Variants in MGAT1 observed in about 807,000 individuals in gnomAD.
MGAT1 encodes N-glycosyl-oligosaccharide-glycoprotein N-acetylglucosaminyltransferase I.
In MGAT1, 14 loss-of-function variants were observed where a neutral mutation model predicts 31.7. The observed-to-expected ratio is 0.44, with a 90% CI of 0.29 to 0.69. MGAT1 has a LOEUF of 0.69. Ranked by LOEUF, MGAT1 falls within the 30% of genes least tolerant of loss-of-function variation. The pLI is 0.12. For missense variants in MGAT1, 557 were observed against 626.0 expected, an observed-to-expected ratio of 0.89 and a Z score of 1.18; for synonymous variants, 338 against 276.0, an observed-to-expected ratio of 1.22 and a Z score of -2.23.
chr5:180,812,848 A>G (rs888125532), intron 1 of MGAT1, among the ~76,000 whole-genome samples: 4 of 152,248 alleles, frequency 2.6e-5, no homozygotes, highest in African/African-American at 4.8e-5. Flanking sequence ...AAAAATTATT[A>G]AAAAATATGC....
rs1340169051 is a variant in MGAT1 at position 180,810,171 on chromosome 5, G to T, written c.-545-1105C>A. 1.8e-4 allele frequency: 14 copies of T among 78,486 alleles called. No individual in the cohort carries two copies. The Admixed American group carries it at 1.8e-3, about 10-fold the overall frequency. 4.9% of individuals were successfully genotyped at this position (78,486 alleles called of 1,614,324 possible). A position where few individuals can be genotyped will look rare whatever the true frequency, so the allele number is the denominator to read the frequency against. On this transcript the variant is annotated intron_variant, in intron 1 of 2. Transcript: ENST00000333055. ...CCCCCAGCGGCCCGGCCCTCCCCTC[G>T]CACTCCTTCCCCCCTCCCACCATCC...
chr5:180,799,292 T>C (rs1361228772), intron 1 of MGAT1, among the ~76,000 whole-genome samples: 1 of 152,124 alleles, frequency 6.6e-6, no homozygotes, highest in African/African-American at 2.4e-5. Flanking sequence ...CTCAGCAGGC[T>C]GCTTTTTCCC....
intron 1 of MGAT1, among the ~76,000 whole-genome samples, chr5:180,794,546 A>G (rs1255171533): frequency 1.3e-5 from 2 of 152,148 alleles, no homozygotes; most frequent in Admixed American, 1.3e-4. Context: ...AAAAAATCTA[A>G]TATGTAATAA....
chr5:180,788,231 G>C lies in MGAT1; in HGVS notation c.*3403C>G, dbSNP rs1767711683. On this transcript the variant is annotated 3_prime_UTR_variant, in exon 2 of 2. Coordinates refer to ENST00000307826, the MANE Select transcript of MGAT1 (RefSeq NM_002406.4). ...AGCAAGCCTTGATGGGTGAATACCA[G>C]GAGACCCCTGAAGGTGCTCCTTGCT... 1 of 152,378 alleles carries C rather than the reference G, an allele frequency of 6.6e-6. No individual in the cohort carries two copies. Among genetic ancestry groups the C allele is most frequent in the Non-Finnish European group, 1.5e-5 (1 of 68,134 alleles). 9.4% of individuals were successfully genotyped at this position (152,378 alleles called of 1,614,324 possible). A position where few individuals can be genotyped will look rare whatever the true frequency, so the allele number is the denominator to read the frequency against.
intron 1 of MGAT1, among the ~76,000 whole-genome samples, chr5:180,814,794 G>C (rs1772766979): frequency 6.6e-6 from 1 of 151,940 alleles, no homozygotes; most frequent in African/African-American, 2.4e-5. Flanking sequence ...ATAAAAATTA[G>C]CCAGGCGTGG....
rs200168899 is a variant in MGAT1 at position 180,800,992 on chromosome 5, CAA to C, written c.-127+1686_-127+1687del. 4.2e-3 allele frequency among the ~76,000 whole-genome samples: 635 copies of C among 152,332 alleles called. 5 individuals are homozygous for C. Among genetic ancestry groups the C allele is most frequent in the African/African-American group, 0.014 (588 of 41,580 alleles). ...CACAGCCAATCCACACCACCAGGTA[CAA>C]AGACATCTGCACCATGGTGGGAGAT... On this transcript the variant is annotated intron_variant, in intron 1 of 1. Transcript: ENST00000307826.
intron 1 of MGAT1, among the ~76,000 whole-genome samples, chr5:180,797,575 C>A (rs1008761055): frequency 1.3e-5 from 2 of 152,148 alleles, no homozygotes; most frequent in Admixed American, 1.3e-4. Flanking sequence ...AATTTGGTGG[C>A]CCACACCCAC....
intron 1 of MGAT1, among the ~76,000 whole-genome samples, chr5:180,799,672 G>C (rs1178471848): frequency 6.6e-6 from 1 of 152,220 alleles, no homozygotes; most frequent in Non-Finnish European, 1.5e-5. Flanking sequence ...AGCAGCAAGA[G>C]AGTGAAGTGT....
At chr5:180,809,422 C>T (rs976035448) in intron 1 of MGAT1, 1 of 152,108 alleles carries the variant, frequency 6.6e-6, no homozygotes, top group Non-Finnish European at 1.5e-5. Flanking sequence ...AAAAGAACGC[C>T]CTTTCTCCTG....
At chr5:180,815,095 C>T (rs1772794416) in intron 1 of MGAT1, among the ~76,000 whole-genome samples, 1 of 152,140 alleles carries the variant, frequency 6.6e-6, no homozygotes, top group Non-Finnish European at 1.5e-5. Context: ...TAGGAACTCT[C>T]TGCAGAGTCC....
At chr5:180,800,126 T>C (rs1770414092) in intron 1 of MGAT1, among the ~76,000 whole-genome samples, 1 of 152,244 alleles carries the variant, frequency 6.6e-6, no homozygotes, top group Non-Finnish European at 1.5e-5. Flanking sequence ...TGACTCATTA[T>C]GCAGCCATCA....
intron 1 of MGAT1, among the ~76,000 whole-genome samples, chr5:180,797,732 C>T (rs1242056442): frequency 6.6e-6 from 1 of 152,232 alleles, no homozygotes; most frequent in South Asian, 2.1e-4. Flanking sequence ...AAGCCCTGGC[C>T]TCCACCTTAA....
At chr5:180,810,417 G>C (rs966996789) in intron 1 of MGAT1, 1 of 152,752 alleles carries the variant, frequency 6.5e-6, no homozygotes, top group Non-Finnish European at 1.5e-5. Context: ...GCCGGGCGCA[G>C]AGTAGCGGCC....
chr5:180,807,968 T>G (rs1345936297), intron 2 of MGAT1, among the ~76,000 whole-genome samples: 9 of 152,232 alleles, frequency 5.9e-5, no homozygotes, highest in Non-Finnish European at 1.2e-4. Context: ...TCAAAATCCT[T>G]GTTTCATTTG....
rs1319761131 is a variant in MGAT1, at chr5:180,789,473, G to C, written c.*2161C>G. 1 of 152,094 alleles carries C rather than the reference G, an allele frequency of 6.6e-6. No homozygotes were observed. Among genetic ancestry groups the C allele is most frequent in the Non-Finnish European group, 1.5e-5 (1 of 68,082 alleles). 9.4% of individuals were successfully genotyped at this position (152,094 alleles called of 1,614,324 possible). A position where few individuals can be genotyped will look rare whatever the true frequency, so the allele number is the denominator to read the frequency against. On this transcript the variant is annotated 3_prime_UTR_variant, in exon 2 of 2. Coordinates refer to ENST00000307826, the MANE Select transcript of MGAT1 (RefSeq NM_002406.4). ...AATTTTTGTATTTTTAGTAGAGATG[G>C]GGTTTCACCATGTTAGCCAGGCTGG...
chr5:180,792,006 C>A lies in MGAT1; in HGVS notation c.966G>T (p.Gly322=). 1.9e-6 allele frequency: 3 copies of A among 1,614,168 alleles called. No individual in the cohort carries two copies. Among genetic ancestry groups the A allele is most frequent in the Non-Finnish European group, 2.5e-6 (3 of 1,180,046 alleles). Residue 322 remains glycine (G), a synonymous_variant, in exon 2 of 2, where the codon GGG becomes GGT. Transcript: ENST00000307826. ...ACTTGAGGTGCTGGTCAAAGAACTG[C>A]CCGTGGCTCACACCCTTGCGGCCAA... ...MTFGRKGVSH[G]QFFDQHLKFI...
chr5:180,804,111 G>T (rs1318345331), upstream of MGAT1, among the ~76,000 whole-genome samples: 1 of 152,232 alleles, frequency 6.6e-6, no homozygotes, highest in African/African-American at 2.4e-5. Flanking sequence ...ACTGCTAAGG[G>T]GTCACCAGGC....
chr5:180,814,494 G>A (rs1772750022), intron 1 of MGAT1, among the ~76,000 whole-genome samples: 1 of 152,136 alleles, frequency 6.6e-6, no homozygotes, highest in African/African-American at 2.4e-5. Flanking sequence ...ACCACTTGCT[G>A]TACAAATGCG....
upstream of MGAT1, among the ~76,000 whole-genome samples, chr5:180,805,549 A>G (rs1233158633): frequency 1.3e-5 from 2 of 152,200 alleles, no homozygotes; most frequent in Non-Finnish European, 1.5e-5. Context: ...CAGGAGTTTG[A>G]GACCAGCCTG....
Sources: gnomAD v4.1 joint callset for allele counts (sites outside exome capture counted in the v4.1 genomes callset) on GRCh38, gnomAD v4.1.1 for gene constraint, MANE v1.5 for transcripts, NCBI Gene and HGNC (gene_info 2026-07-23, HGNC 2026-07-21) for gene names.